The following FNDC3B variants were observed in gnomAD, a reference collection of about 807,000 sequenced individuals.
The protein encoded by FNDC3B is fibronectin type III domain containing 3B.
A neutral mutation model predicts 151.5 loss-of-function variants in FNDC3B; 12 were observed. The observed-to-expected ratio is 0.08, with a 90% confidence interval of 0.05 to 0.13. The LOEUF is 0.13. Among genes scored for constraint, FNDC3B ranks in the 10% least tolerant of loss-of-function variants. FNDC3B has a pLI of 1.00. For missense variants in FNDC3B, 1,214 were observed against 1,505.3 expected (o/e 0.81, Z 3.20); for synonymous variants, 528 against 549.0 (o/e 0.96, Z 0.54).
chr3:172,373,284 A>G (rs1734971702), intron 23 of FNDC3B, among the ~76,000 whole-genome samples: 1 of 152,192 alleles, frequency 6.6e-6, no homozygotes, highest in African/African-American at 2.4e-5. Flanking sequence ...GAAGCAATGC[A>G]CACTGAAGTA....
intron 3 of FNDC3B, among the ~76,000 whole-genome samples, chr3:172,191,556 G>A (rs1056254689): frequency 1.3e-5 from 2 of 152,174 alleles, no homozygotes; most frequent in South Asian, 4.1e-4. Context: ...GAGTGCAGTG[G>A]TGTGATGATG....
chr3:172,368,388 A>C (rs1363868919), intron 23 of FNDC3B, among the ~76,000 whole-genome samples: 1 of 152,194 alleles, frequency 6.6e-6, no homozygotes, highest in Non-Finnish European at 1.5e-5. Context: ...CATGTTGCCA[A>C]ATTAAATGAA....
chr3:172,326,858 G>A (rs958659123), intron 11 of FNDC3B, among the ~76,000 whole-genome samples: 1 of 152,068 alleles, frequency 6.6e-6, no homozygotes, highest in Admixed American at 6.5e-5. Flanking sequence ...GGGGAAAGGA[G>A]ACCAAATAAA....
chr3:172,344,629 C>A (rs1733515936), intron 19 of FNDC3B, among the ~76,000 whole-genome samples: 1 of 152,154 alleles, frequency 6.6e-6, no homozygotes, highest in South Asian at 2.1e-4. Flanking sequence ...ACTGTCTTGT[C>A]TAAATGAACC....
intron 25 of FNDC3B, among the ~76,000 whole-genome samples, chr3:172,385,678 C>A (rs138033240): frequency 0.011 from 1,696 of 152,026 alleles, 27 homozygotes; most frequent in African/African-American, 0.039. Context: ...CCTGCCTCAG[C>A]CTCCCGAGTA....
At chr3:172,086,372 A>AG (rs398106745) in intron 1 of FNDC3B, among the ~76,000 whole-genome samples, 2 of 150,526 alleles carry the variant, frequency 1.3e-5, no homozygotes, top group African/African-American at 4.9e-5. Context: ...AAAAAAAAAA[A>AG]GCTCTGCTTC....
intron 3 of FNDC3B, among the ~76,000 whole-genome samples, chr3:172,203,104 G>GATATATAT (rs1725240703): frequency 1.3e-5 from 2 of 152,034 alleles, no homozygotes; most frequent in African/African-American, 4.8e-5. Context: ...CATTATTTTC[G>GATATATAT]ATATATATAG....
In FNDC3B at chr3:172,052,348, G is replaced by C. The variant is rs946104528; in HGVS notation, c.-29+12577G>C. Among the ~76,000 whole-genome samples the C allele has an allele frequency of 5.3e-5, 8 of 152,062 alleles. No homozygotes were observed. In the East Asian group the frequency reaches 1.5e-3, roughly 29 times the overall value. On this transcript the variant is annotated intron_variant, in intron 1 of 25. Transcript: ENST00000415807. ...CCACCTTGGCGTCCCTAAGTGCTGG[G>C]ATTACAGGCATGAGCCACACCTGGC...
chr3:172,347,364 A>G lies in FNDC3B; in HGVS notation c.2514+3A>G, dbSNP rs1733664487. On this transcript the variant is annotated splice_donor_region_variant and intron_variant, in intron 21 of 25. Coordinates refer to ENST00000415807, the MANE Select transcript of FNDC3B (RefSeq NM_022763.4). ...CACAGTATTGCTGTAGACTACAGGTAGGTTGACATTATTCAGATGTTACTC... is the reference window on the plus strand; with the variant it reads ...CACAGTATTGCTGTAGACTACAGGTGGGTTGACATTATTCAGATGTTACTC... 1 of 1,610,246 alleles carries G rather than the reference A, an allele frequency of 6.2e-7. No homozygotes were observed.
intron 5 of FNDC3B, 147 bp downstream of exon 5, chr3:172,247,923 C>A: frequency 1.2e-6 from 1 of 866,348 alleles, no homozygotes. Flanking sequence ...TCCTAGCTTC[C>A]TTTGTCCTGA....
chr3:172,340,752 G>A (rs1733265467), intron 16 of FNDC3B, among the ~76,000 whole-genome samples: 1 of 152,178 alleles, frequency 6.6e-6, no homozygotes, highest in Non-Finnish European at 1.5e-5. Context: ...GTGCCTGGCT[G>A]CCCCTGAGGC....
At chr3:172,339,745 C>T (rs1430690005) in intron 16 of FNDC3B, among the ~76,000 whole-genome samples, 1 of 152,212 alleles carries the variant, frequency 6.6e-6, no homozygotes, top group East Asian at 1.9e-4. Context: ...AGGGGCCCTT[C>T]TGGACTTCCA....
intron 17 of FNDC3B, among the ~76,000 whole-genome samples, chr3:172,341,746 G>A (rs1033917594): frequency 4.6e-5 from 7 of 152,180 alleles, no homozygotes; most frequent in African/African-American, 1.7e-4. Context: ...CTGAAGTTGT[G>A]TGGTACCCAA....
intron 2 of FNDC3B, among the ~76,000 whole-genome samples, chr3:172,119,548 C>T (rs1720433975): frequency 6.6e-6 from 1 of 152,122 alleles, no homozygotes; most frequent in Admixed American, 6.5e-5. Context: ...GGAGGCTGAG[C>T]CTGGGTCAGA....
In FNDC3B at chr3:172,209,919, A is replaced by G. The variant is rs114641739; in HGVS notation, c.188-16952A>G. 6.2e-3 allele frequency among the ~76,000 whole-genome samples: 952 copies of G among 152,340 alleles called. 10 individuals are homozygous for G. Among genetic ancestry groups the G allele is most frequent in the African/African-American group, 0.022 (902 of 41,582 alleles). On this transcript the variant is annotated intron_variant, in intron 3 of 25. Transcript: ENST00000415807. ...GGAGTCCAGGCAGCAGGGGGCTGAC[A>G]TGTCAGTGCTGCCCTGAGCACACAC...
At chr3:172,073,154 G>C (rs929948015) in intron 1 of FNDC3B, among the ~76,000 whole-genome samples, 4 of 152,150 alleles carry the variant, frequency 2.6e-5, no homozygotes, top group Admixed American at 1.3e-4. Context: ...GTTATTGTTA[G>C]CATTTATGTG....
In FNDC3B at chr3:172,123,233, C is replaced by T. The variant is rs77686914; in HGVS notation, c.112-10238C>T. On this transcript the variant is annotated intron_variant, in intron 2 of 25. Transcript: ENST00000415807. ...TATTTTTATTTTTTGTAGAGATAGT[C>T]CCCTTATGTTGCCCAAGCTGGTCTC... Among the ~76,000 whole-genome samples, 1,146 of 152,126 alleles carry T rather than the reference C, an allele frequency of 7.5e-3. 21 individuals carry two copies. The highest frequency in any genetic ancestry group is 0.027 in the African/African-American group (1,112 of 41,492).
rs530606542 is a variant in FNDC3B at position 172,341,302 on chromosome 3, G to A, written c.1971+71G>A. On this transcript the variant is annotated intron_variant, in intron 17 of 25. Coordinates refer to ENST00000415807, the MANE Select transcript of FNDC3B (RefSeq NM_022763.4). ...GGACAAACTGTCTATAACATCAGAA[G>A]CAAATTGCAGTTTAAACAATGTATC... 54 of 1,064,760 alleles carry A rather than the reference G, an allele frequency of 5.1e-5. No homozygotes were observed. In the African/African-American group the frequency reaches 7.9e-4, roughly 16 times the overall value. 66.0% of individuals were successfully genotyped at this position (1,064,760 alleles called of 1,614,324 possible).
chr3:172,099,037 C>T (rs937462060), intron 1 of FNDC3B, among the ~76,000 whole-genome samples: 3 of 152,154 alleles, frequency 2.0e-5, no homozygotes, highest in Non-Finnish European at 4.4e-5. Context: ...CTAGAGCAAA[C>T]GCCTTCGCAA....
Sources: allele counts gnomAD v4.1 joint callset (sites outside exome capture counted in the v4.1 genomes callset), GRCh38; gene constraint gnomAD v4.1.1; transcripts MANE v1.5; gene names NCBI Gene and HGNC (gene_info 2026-07-23, HGNC 2026-07-21).